The following PRKAR2A variants were observed in gnomAD, a reference collection of about 807,000 sequenced individuals.
The protein encoded by PRKAR2A is protein kinase cAMP-dependent type II regulatory subunit alpha.
Under a neutral mutation model 51.9 loss-of-function variants are expected in PRKAR2A, and 29 were observed. The ratio of observed to expected loss-of-function variants is 0.56; its 90% confidence interval spans 0.42 to 0.76. PRKAR2A has a LOEUF of 0.76. Among genes scored for constraint, PRKAR2A ranks in the 30% least tolerant of loss-of-function variants. The probability of loss-of-function intolerance (pLI) is 0.00; values close to 1 mark genes in which losing one functional copy is unlikely to be tolerated. For synonymous variants in PRKAR2A, 178 were observed against 186.2 expected (o/e 0.96, Z 0.36); for missense variants, 445 against 512.1 (o/e 0.87, Z 1.26).
downstream of PRKAR2A, among the ~76,000 whole-genome samples, chr3:48,746,388 T>TAC (rs2081562379): frequency 7.0e-6 from 1 of 142,630 alleles, no homozygotes; most frequent in African/African-American, 2.6e-5. Flanking sequence ...AGAATCTTTA[T>TAC]ACACATACAC....
At chr3:48,845,725 T>C (rs890047744) in intron 1 of PRKAR2A, among the ~76,000 whole-genome samples, 8 of 152,236 alleles carry the variant, frequency 5.3e-5, no homozygotes, top group African/African-American at 1.7e-4. Context: ...GGCAGGAGCA[T>C]TACTTGAGGC....
chr3:48,798,048 G>A lies in PRKAR2A; in HGVS notation c.299-3999C>T, dbSNP rs1043172330. Among the ~76,000 whole-genome samples, 3 of 152,090 alleles carry A rather than the reference G, an allele frequency of 2.0e-5. No individual in the cohort carries two copies. The South Asian group carries it at 6.2e-4, about 32-fold the overall frequency. ...GCTCACCGCAACCTCTGCCTCCCAG[G>A]TTCAAACAATTCTCCTGCCTCAGCC... On this transcript the variant is annotated intron_variant, in intron 2 of 10. Coordinates refer to ENST00000265563, the MANE Select transcript of PRKAR2A (RefSeq NM_004157.4).
chr3:48,814,668 G>C (rs1362354168), intron 1 of PRKAR2A, among the ~76,000 whole-genome samples: 1 of 152,136 alleles, frequency 6.6e-6, no homozygotes, highest in Non-Finnish European at 1.5e-5. Context: ...ATGCACCAGA[G>C]TAGAAAATCA....
rs2081641546 is a variant in PRKAR2A at position 48,751,189 on chromosome 3, T to G, written c.*396A>C. ...AGAACCATTAGAGAGTGTCTACAGT[T>G]ATACAACAGGTTTCTGCAGACCCTG... On this transcript the variant is annotated 3_prime_UTR_variant, in exon 11 of 11. Coordinates refer to ENST00000265563, the MANE Select transcript of PRKAR2A (RefSeq NM_004157.4). The G allele has an allele frequency of 2.4e-6, 1 of 413,596 alleles. No homozygotes were observed. The highest frequency in any genetic ancestry group is 2.8e-5 in the Admixed American group (1 of 36,340). The allele number at this position is 413,596 out of a possible 1,614,324, so 25.6% of individuals were successfully genotyped here.
intron 5 of PRKAR2A, among the ~76,000 whole-genome samples, chr3:48,781,659 C>T (rs867445767): frequency 1.3e-5 from 2 of 152,032 alleles, no homozygotes; most frequent in East Asian, 1.9e-4. Flanking sequence ...ACTACAGGCG[C>T]GTGCCACCAT....
intron 1 of PRKAR2A, among the ~76,000 whole-genome samples, chr3:48,812,062 T>A (rs1307982056): frequency 6.6e-6 from 1 of 151,904 alleles, no homozygotes; most frequent in Non-Finnish European, 1.5e-5. Flanking sequence ...TCTGTAAGTT[T>A]ACTAAAAATA....
chr3:48,796,169 T>C (rs2082488270), intron 2 of PRKAR2A, among the ~76,000 whole-genome samples: 1 of 152,180 alleles, frequency 6.6e-6, no homozygotes. Context: ...TTCTAATAAA[T>C]CATCAGTGAT....
chr3:48,759,384 C>CTTTTT (rs1246199187), intron 8 of PRKAR2A, among the ~76,000 whole-genome samples: 1 of 138,306 alleles, frequency 7.2e-6, no homozygotes, highest in Non-Finnish European at 1.6e-5. Context: ...CATCCTGCCC[C>CTTTTT]TTTTTTTTTT....
intron 5 of PRKAR2A, among the ~76,000 whole-genome samples, chr3:48,779,630 A>C (rs1294966318): frequency 6.6e-6 from 1 of 151,456 alleles, no homozygotes; most frequent in East Asian, 2.0e-4. Flanking sequence ...AAATACAAAA[A>C]TTAGCTGGGA....
intron 1 of PRKAR2A, among the ~76,000 whole-genome samples, chr3:48,824,254 C>A (rs905881911): frequency 2.0e-5 from 3 of 151,696 alleles, no homozygotes; most frequent in Non-Finnish European, 4.4e-5. Flanking sequence ...AAAATATATA[C>A]AAAAATTAGC....
chr3:48,836,002 T>C (rs889903703), intron 1 of PRKAR2A, among the ~76,000 whole-genome samples: 17 of 152,060 alleles, frequency 1.1e-4, no homozygotes, highest in African/African-American at 3.6e-4. Context: ...TTCTTTTTTT[T>C]CCCCATGTTA....
chr3:48,793,475 A>T (rs1232781014), intron 3 of PRKAR2A, among the ~76,000 whole-genome samples: 1 of 152,074 alleles, frequency 6.6e-6, no homozygotes, highest in Non-Finnish European at 1.5e-5. Flanking sequence ...GTCTAACTAC[A>T]TTGCCCAGGC....
At position 48,790,542 on chromosome 3, in the gene PRKAR2A, A is replaced by G; in HGVS notation, c.435+2T>C. ...TAAAAATACTTTAGAAATCAATGTTACCTGATCAAGATTTTTGAAAAGGAG... is the reference window on the plus strand; with the variant it reads ...TAAAAATACTTTAGAAATCAATGTTGCCTGATCAAGATTTTTGAAAAGGAG... On this transcript the variant is annotated splice_donor_variant, in intron 4 of 10. Coordinates refer to ENST00000265563, the MANE Select transcript of PRKAR2A (RefSeq NM_004157.4). LOFTEE classifies it high-confidence loss of function. The G allele has an allele frequency of 6.5e-7, 1 of 1,528,424 alleles. No homozygotes were observed. The highest frequency in any genetic ancestry group is 8.8e-7 in the Non-Finnish European group (1 of 1,138,440). The allele number at this position is 1,528,424 out of a possible 1,614,324, so 94.7% of individuals were successfully genotyped here. A position where few individuals can be genotyped will look rare whatever the true frequency, so the allele number is the denominator to read the frequency against.
At chr3:48,838,197 CATATT>C (rs1178779867) in intron 1 of PRKAR2A, among the ~76,000 whole-genome samples, 1 of 151,720 alleles carries the variant, frequency 6.6e-6, no homozygotes, top group African/African-American at 2.4e-5. Context: ...AACAACAACA[CATATT>C]ATATGATTCC....
At chr3:48,840,828 G>A (rs1344507597) in intron 1 of PRKAR2A, among the ~76,000 whole-genome samples, 5 of 149,096 alleles carry the variant, frequency 3.4e-5, no homozygotes, top group Non-Finnish European at 5.9e-5. Context: ...CGCCCACCTC[G>A]GCCTCCCAAA....
At chr3:48,765,209 C>T in intron 7 of PRKAR2A, 39 bp downstream of exon 7, 1 of 1,567,488 alleles carries the variant, frequency 6.4e-7, no homozygotes, top group South Asian at 1.1e-5. Flanking sequence ...AAAGCTTTTC[C>T]TGATCCCCAT....
chr3:48,844,352 G>A (rs1448945557), intron 1 of PRKAR2A, among the ~76,000 whole-genome samples: 9 of 151,222 alleles, frequency 6.0e-5, no homozygotes, highest in South Asian at 4.2e-4. Context: ...TGCTGGAGAG[G>A]ATGTGGAGAA....
chr3:48,776,189 A>T (rs1444455669), intron 5 of PRKAR2A, among the ~76,000 whole-genome samples: 1 of 152,078 alleles, frequency 6.6e-6, no homozygotes, highest in East Asian at 1.9e-4. Flanking sequence ...AATATTCAGA[A>T]CTGACAAGCA....
chr3:48,793,164 A>T (rs2082420147), intron 3 of PRKAR2A, among the ~76,000 whole-genome samples: 1 of 152,038 alleles, frequency 6.6e-6, no homozygotes, highest in Admixed American at 6.6e-5. Context: ...AATACACCTC[A>T]CACAAACATA....
Sources: gnomAD v4.1 joint callset for allele counts (sites outside exome capture counted in the v4.1 genomes callset) on GRCh38, gnomAD v4.1.1 for gene constraint, MANE v1.5 for transcripts, NCBI Gene and HGNC (gene_info 2026-07-23, HGNC 2026-07-21) for gene names.